SUMF1: variants seen among roughly 807,000 people sequenced by gnomAD.
SUMF1 encodes the protein formylglycine-generating enzyme.
In SUMF1, 48 loss-of-function variants were observed where a neutral mutation model predicts 47.6. The observed-to-expected ratio is 1.01, with a 90% CI of 0.80 to 1.28. The LOEUF (loss-of-function observed/expected upper bound fraction) is 1.28. Among genes scored for constraint, SUMF1 ranks in the 50% most tolerant of loss-of-function variants. The pLI is 0.00. For synonymous variants in SUMF1, 230 were observed against 192.1 expected (o/e 1.20, Z -1.63); for missense variants, 571 against 485.4 (o/e 1.18, Z -1.66).
chr3:4,456,126 G>A lies in SUMF1; in HGVS notation c.271-3077C>T, dbSNP rs906928582. ...AGCAGAATGAAGGACAAAACCAAATGTTCACCTCAATATATGCAAAGGCAT... is the reference window on the plus strand; with the variant it reads ...AGCAGAATGAAGGACAAAACCAAATATTCACCTCAATATATGCAAAGGCAT... On this transcript the variant is annotated intron_variant, in intron 1 of 8. Coordinates refer to ENST00000272902, the MANE Select transcript of SUMF1 (RefSeq NM_182760.4). Among the ~76,000 whole-genome samples the A allele has an allele frequency of 2.0e-5, 3 of 152,070 alleles. No individual in the cohort carries two copies. The East Asian group carries it at 5.8e-4, about 29-fold the overall frequency.
At chr3:4,234,109 GT>G (rs1453854472) in intron 8 of SUMF1, among the ~76,000 whole-genome samples, 1 of 152,066 alleles carries the variant, frequency 6.6e-6, no homozygotes, top group Non-Finnish European at 1.5e-5. Context: ...TTGTACGGGT[GT>G]TTAATTTACC....
chr3:4,245,186 C>A (rs539185822), intron 8 of SUMF1, among the ~76,000 whole-genome samples: 1 of 152,188 alleles, frequency 6.6e-6, no homozygotes, highest in South Asian at 2.1e-4. Flanking sequence ...GTTGGAACAT[C>A]CTCCTTTAGC....
chr3:4,114,376 T>C (rs1168243260), intron 8 of SUMF1, among the ~76,000 whole-genome samples: 1 of 152,120 alleles, frequency 6.6e-6, no homozygotes, highest in South Asian at 2.1e-4. Flanking sequence ...GTGATGAAAG[T>C]ACCTCTAAAT....
At chr3:4,336,247 A>G (rs1320068509) in intron 8 of SUMF1, among the ~76,000 whole-genome samples, 1 of 152,024 alleles carries the variant, frequency 6.6e-6, no homozygotes, top group African/African-American at 2.4e-5. Flanking sequence ...GCAAGCAAAA[A>G]GGGGAAAAAA....
intron 8 of SUMF1, among the ~76,000 whole-genome samples, chr3:4,162,732 C>T (rs1048524067): frequency 3.3e-5 from 5 of 152,270 alleles, no homozygotes; most frequent in African/African-American, 9.6e-5. Context: ...TTCCTGCCCT[C>T]TTCAATGCCT....
chr3:4,250,938 T>A (rs1007210493), intron 8 of SUMF1, among the ~76,000 whole-genome samples: 1 of 152,188 alleles, frequency 6.6e-6, no homozygotes, highest in Non-Finnish European at 1.5e-5. Context: ...TTTTCACACC[T>A]CCTAACGATA....
chr3:4,051,862 G>A (rs1695117083), intron 9 of SUMF1, among the ~76,000 whole-genome samples: 1 of 152,128 alleles, frequency 6.6e-6, no homozygotes, highest in South Asian at 2.1e-4. Context: ...TACCCCTGCA[G>A]CCTAAGTGGT....
At chr3:4,355,372 A>G (rs1699596003) in intron 8 of SUMF1, among the ~76,000 whole-genome samples, 1 of 152,168 alleles carries the variant, frequency 6.6e-6, no homozygotes, top group South Asian at 2.1e-4. Context: ...AATAAAAATA[A>G]AAGACAGTGA....
chr3:4,135,867 C>T (rs771556631), intron 8 of SUMF1, among the ~76,000 whole-genome samples: 2 of 152,122 alleles, frequency 1.3e-5, no homozygotes, highest in Non-Finnish European at 2.9e-5. Flanking sequence ...AGTGAACTCC[C>T]GTTCACAATT....
intron 8 of SUMF1, among the ~76,000 whole-genome samples, chr3:4,176,738 A>T (rs745632869): frequency 3.3e-5 from 5 of 152,200 alleles, no homozygotes; most frequent in Non-Finnish European, 5.9e-5. Flanking sequence ...AAAGACACAG[A>T]CTGGCAAATT....
chr3:4,109,115 GC>G (rs1693229538), intron 8 of SUMF1, among the ~76,000 whole-genome samples: 1 of 151,982 alleles, frequency 6.6e-6, no homozygotes, highest in South Asian at 2.1e-4. Flanking sequence ...TTTAGGGCAG[GC>G]CTGGTGGTGA....
intron 8 of SUMF1, among the ~76,000 whole-genome samples, chr3:4,071,663 G>T (rs1695529481): frequency 6.6e-6 from 1 of 152,218 alleles, no homozygotes; most frequent in African/African-American, 2.4e-5. Context: ...GCGTTTTTAT[G>T]CTCACAGTGT....
In SUMF1 at chr3:4,426,008, C is replaced by G. The variant is rs1272467897; in HGVS notation, c.520-5862G>C. Among the ~76,000 whole-genome samples the G allele has an allele frequency of 2.0e-5, 3 of 152,256 alleles. No homozygotes were observed. The South Asian group carries it at 6.2e-4, about 32-fold the overall frequency. On this transcript the variant is annotated intron_variant, in intron 3 of 8. Coordinates refer to ENST00000272902, the MANE Select transcript of SUMF1 (RefSeq NM_182760.4). The stretch of plus-strand genomic sequence containing the variant: ...TCTCACAAGAACAGTGTGGGAAAAA[C>G]CCAGCCCCATGATTCAATCACCTAC...
chr3:4,415,726 T>C (rs972589969), intron 6 of SUMF1, among the ~76,000 whole-genome samples: 5 of 152,112 alleles, frequency 3.3e-5, no homozygotes, highest in African/African-American at 7.2e-5. Context: ...AATGGGAGAA[T>C]TGGTTGAACC....
chr3:4,236,322 G>C (rs1051532627), intron 8 of SUMF1, among the ~76,000 whole-genome samples: 1 of 151,994 alleles, frequency 6.6e-6, no homozygotes, highest in Non-Finnish European at 1.5e-5. Flanking sequence ...ATTTCCCAAA[G>C]CTAAGAAATC....
intron 9 of SUMF1, among the ~76,000 whole-genome samples, chr3:4,066,953 G>A (rs11928047): frequency 0.074 from 11,286 of 152,134 alleles, 1,031 homozygotes; most frequent in African/African-American, 0.19. Flanking sequence ...ACTGGATGGT[G>A]TTCCTTACTG....
intron 8 of SUMF1, among the ~76,000 whole-genome samples, chr3:4,311,307 C>T (rs891527338): frequency 6.6e-6 from 1 of 152,152 alleles, no homozygotes; most frequent in African/African-American, 2.4e-5. Context: ...TAAAGCCTGG[C>T]CTGGAGACAA....
At chr3:4,271,421 A>G (rs1697298930) in intron 8 of SUMF1, among the ~76,000 whole-genome samples, 1 of 152,074 alleles carries the variant, frequency 6.6e-6, no homozygotes, top group Admixed American at 6.6e-5. Context: ...GGTATCCTTG[A>G]CTGAATGTTT....
chr3:4,292,613 C>T (rs1324090624), intron 8 of SUMF1, among the ~76,000 whole-genome samples: 1 of 152,180 alleles, frequency 6.6e-6, no homozygotes, highest in Non-Finnish European at 1.5e-5. Context: ...TCCCTTTGTG[C>T]TTGAAAGCCA....
Sources: allele counts gnomAD v4.1 joint callset (sites outside exome capture counted in the v4.1 genomes callset), GRCh38; gene constraint gnomAD v4.1.1; transcripts MANE v1.5; gene names NCBI Gene and HGNC (gene_info 2026-07-23, HGNC 2026-07-21).